The following ZCWPW2 variants were observed in gnomAD, a reference collection of about 807,000 sequenced individuals.
The protein encoded by ZCWPW2 is zinc finger CW-type PWWP domain protein 2.
A neutral mutation model predicts 46.6 loss-of-function variants in ZCWPW2; 45 were observed. The observed-to-expected ratio is 0.96, with a 90% CI of 0.76 to 1.24. The LOEUF (loss-of-function observed/expected upper bound fraction) is 1.24, where lower values mean the gene tolerates loss of function less well. Ranked by LOEUF, ZCWPW2 falls within the 50% of genes most tolerant of loss-of-function variation. ZCWPW2 has a pLI of 0.00. For missense variants in ZCWPW2, 429 were observed against 403.9 expected, an observed-to-expected ratio of 1.06 and a Z score of -0.53; for synonymous variants, 152 against 137.1, an observed-to-expected ratio of 1.11 and a Z score of -0.76.
chr3:28,380,125 G>A (rs1559480239), intron 1 of ZCWPW2, among the ~76,000 whole-genome samples: 2 of 152,000 alleles, frequency 1.3e-5, no homozygotes, highest in South Asian at 2.1e-4. Flanking sequence ...TGGGACTACA[G>A]GTGCCCACCA....
intron 6 of ZCWPW2, among the ~76,000 whole-genome samples, chr3:28,498,697 C>A (rs925757904): frequency 6.6e-6 from 1 of 151,402 alleles, no homozygotes; most frequent in African/African-American, 2.4e-5. Context: ...ATGTGCAGAA[C>A]GTGCAGGTTT....
At chr3:28,491,160 G>A (rs1383862963) in intron 5 of ZCWPW2, among the ~76,000 whole-genome samples, 2 of 152,084 alleles carry the variant, frequency 1.3e-5, no homozygotes, top group South Asian at 2.1e-4. Flanking sequence ...AGGAATATCT[G>A]TAGTAGCACC....
chr3:28,399,037 G>A (rs1695817493), intron 2 of ZCWPW2, among the ~76,000 whole-genome samples: 1 of 152,128 alleles, frequency 6.6e-6, no homozygotes, highest in African/African-American at 2.4e-5. Context: ...AGGTAGCCTG[G>A]GGCAAGTTCT....
chr3:28,437,556 C>G (rs1339636315), intron 4 of ZCWPW2, among the ~76,000 whole-genome samples: 1 of 151,936 alleles, frequency 6.6e-6, no homozygotes, highest in African/African-American at 2.4e-5. Flanking sequence ...GCATGGTTGC[C>G]TTATGAGACC....
At chr3:28,404,154 T>C (rs1422112343) in intron 2 of ZCWPW2, among the ~76,000 whole-genome samples, 1 of 150,654 alleles carries the variant, frequency 6.6e-6, no homozygotes, top group South Asian at 2.1e-4. Context: ...AGGACTAATA[T>C]CCAGAATCTA....
intron 5 of ZCWPW2, among the ~76,000 whole-genome samples, chr3:28,480,045 T>C (rs1370998677): frequency 6.6e-6 from 1 of 152,210 alleles, no homozygotes; most frequent in African/African-American, 2.4e-5. Context: ...TGCATGTGTC[T>C]TTATAATAGA....
At chr3:28,431,564 CT>C (rs1157483895) in intron 3 of ZCWPW2, among the ~76,000 whole-genome samples, 2 of 152,032 alleles carry the variant, frequency 1.3e-5, no homozygotes, top group Non-Finnish European at 1.5e-5. Flanking sequence ...ACGTCACTAC[CT>C]TTTTTAAGGC....
intron 1 of ZCWPW2, among the ~76,000 whole-genome samples, chr3:28,366,994 CT>C (rs1705142477): frequency 6.6e-6 from 1 of 152,132 alleles, no homozygotes; most frequent in Non-Finnish European, 1.5e-5. Context: ...GTTATACCCC[CT>C]TTTAACATTT....
Position 28,413,285 on chromosome 3 carries a change from A to G in ZCWPW2, c.217A>G (p.Ile73Val), listed in dbSNP as rs1171338476. Residue 73 changes from isoleucine to valine, a missense_variant, in exon 3 of 10, where the codon ATT becomes GTT. Transcript: ENST00000383768. ...TGATTCAAGATATAATAACTGCTCA[A>G]TTTCTGAAGAAGACTTCCCTGAAGA... is the stretch of plus-strand genomic sequence containing the variant. ...NTDSRYNNCS[I>V]SEEDFPEESQ... is the part of the protein sequence containing the mutation. 2 of 1,613,154 alleles carry G rather than the reference A, an allele frequency of 1.2e-6. No homozygotes were observed. Among genetic ancestry groups the G allele is most frequent in the Admixed American group, 1.7e-5 (1 of 59,844 alleles).
chr3:28,403,428 C>T (rs1435357114), intron 2 of ZCWPW2, among the ~76,000 whole-genome samples: 3 of 152,170 alleles, frequency 2.0e-5, no homozygotes, highest in Non-Finnish European at 2.9e-5. Context: ...ATCCCACGCT[C>T]ATGGATGGGT....
intron 2 of ZCWPW2, among the ~76,000 whole-genome samples, chr3:28,398,406 A>C (rs1223158956): frequency 1.3e-5 from 2 of 152,188 alleles, no homozygotes; most frequent in African/African-American, 4.8e-5. Context: ...ATAGTTATTT[A>C]AAAAGTTATT....
intron 3 of ZCWPW2, among the ~76,000 whole-genome samples, chr3:28,426,573 C>A (rs1697022088): frequency 6.6e-6 from 1 of 152,058 alleles, no homozygotes; most frequent in East Asian, 1.9e-4. Context: ...TCTACTGGAT[C>A]CTTTCAGTAT....
chr3:28,467,236 A>T (rs1698856257), intron 4 of ZCWPW2, among the ~76,000 whole-genome samples: 1 of 152,158 alleles, frequency 6.6e-6, no homozygotes, highest in Non-Finnish European at 1.5e-5. Flanking sequence ...TTCTACAAGG[A>T]AGAAAGACTT....
At chr3:28,389,140 G>T (rs1695390100) in intron 1 of ZCWPW2, among the ~76,000 whole-genome samples, 1 of 152,106 alleles carries the variant, frequency 6.6e-6, no homozygotes, top group African/African-American at 2.4e-5. Flanking sequence ...ACAGAGCATG[G>T]CATCTTGGGA....
rs1006749438 is a variant in ZCWPW2 at position 28,453,931 on chromosome 3, G to A, written c.492+18662G>A. On this transcript the variant is annotated intron_variant, in intron 4 of 9. Coordinates refer to ENST00000383768, the MANE Select transcript of ZCWPW2 (RefSeq NM_001040432.4). ...GCGATCTCGGCTCACTGCAAGCTCC[G>A]CCTCCCGGGTTCACACCATTCACCT... Among the ~76,000 whole-genome samples the A allele has an allele frequency of 1.9e-4, 28 of 150,780 alleles. No homozygotes were observed. The East Asian group carries it at 2.9e-3, about 16-fold the overall frequency.
At chr3:28,431,821 A>G (rs1183930501) in intron 3 of ZCWPW2, among the ~76,000 whole-genome samples, 1 of 152,192 alleles carries the variant, frequency 6.6e-6, no homozygotes, top group African/African-American at 2.4e-5. Context: ...TAATAAAGAC[A>G]TACTTGAGAC....
At chr3:28,520,918 G>A (rs779065590) in intron 8 of ZCWPW2, 74 bp from the exon 9 acceptor site, 19 of 1,543,386 alleles carry the variant, frequency 1.2e-5, no homozygotes, top group Non-Finnish European at 1.5e-5. Context: ...CTTCTTTCTG[G>A]GTAGTTAAGA....
At position 28,413,295 on chromosome 3, in the gene ZCWPW2, A is replaced by G. The variant is rs1696483243; in HGVS notation, c.227A>G (p.Glu76Gly). 1.2e-6 allele frequency: 2 copies of G among 1,613,210 alleles called. No homozygotes were observed. The highest frequency in any genetic ancestry group is 1.1e-5 in the South Asian group (1 of 91,074). Residue 76 changes from glutamate to glycine, a missense_variant, in exon 3 of 10, where the codon GAA becomes GGA. By Grantham distance (98) the Glu-to-Gly change is moderately conservative. Transcript: ENST00000383768. ...SRYNNCSISE[E>G]DFPEESQLHQ... The stretch of plus-strand genomic sequence containing the variant: ...TATAATAACTGCTCAATTTCTGAAG[A>G]AGACTTCCCTGAAGAGTCTCAGCTT...
At chr3:28,479,057 G>T in intron 5 of ZCWPW2, 126 bp downstream of exon 5, 2 of 587,608 alleles carry the variant, frequency 3.4e-6, no homozygotes, top group Non-Finnish European at 5.7e-6. Flanking sequence ...GTATATCATT[G>T]TTTATTTGAA....
Sources: gnomAD v4.1 joint callset for allele counts (sites outside exome capture counted in the v4.1 genomes callset) on GRCh38, gnomAD v4.1.1 for gene constraint, MANE v1.5 for transcripts, NCBI Gene and HGNC (gene_info 2026-07-23, HGNC 2026-07-21) for gene names.